VPS13B: variants seen among roughly 807,000 people sequenced by gnomAD.
The protein encoded by VPS13B is vacuolar protein sorting 13 homolog B, also known as intermembrane lipid transfer protein VPS13B.
VPS13B carries 285 observed loss-of-function variants against 426.4 expected under a neutral mutation model. The observed-to-expected ratio is 0.67, with a 90% CI of 0.61 to 0.74. VPS13B has a LOEUF of 0.74. VPS13B is among the 30% of genes least tolerant of loss of function. The pLI is 0.00. For missense variants in VPS13B, 4,537 were observed against 4,782.6 expected (o/e 0.95, Z 1.51); for synonymous variants, 1,676 against 1,676.4 (o/e 1.00, Z 0.01).
chr8:99,810,672 A>G (rs1813651787), intron 44 of VPS13B, among the ~76,000 whole-genome samples: 1 of 152,242 alleles, frequency 6.6e-6, no homozygotes, highest in South Asian at 2.1e-4. Flanking sequence ...AGTGGAACAA[A>G]GTAAAATGGA....
At chr8:99,117,162 A>G (rs1041687790) in intron 7 of VPS13B, among the ~76,000 whole-genome samples, 5 of 152,220 alleles carry the variant, frequency 3.3e-5, no homozygotes, top group Non-Finnish European at 7.3e-5. Context: ...AGGGGCAAAT[A>G]ACCCAATTAA....
intron 32 of VPS13B, 86 bp from the exon 33 acceptor site, chr8:99,577,404 A>G (rs548262649): frequency 1.3e-5 from 20 of 1,578,756 alleles, no homozygotes; most frequent in East Asian, 4.5e-5. Flanking sequence ...TCACCAAAGT[A>G]GTGAAGGTCA....
chr8:99,085,683 A>T (rs1207162631), intron 3 of VPS13B, among the ~76,000 whole-genome samples: 4 of 152,102 alleles, frequency 2.6e-5, no homozygotes, highest in Admixed American at 2.6e-4. Flanking sequence ...TTGTCTGTAA[A>T]GGATTTTATT....
At chr8:99,696,721 T>C (rs1832020575) in intron 35 of VPS13B, 3 of 953,400 alleles carry the variant, frequency 3.1e-6, no homozygotes, top group South Asian at 2.6e-5. Context: ...CTTCTCCGTT[T>C]TCCCAGAAGA....
chr8:99,593,573 A>G (rs1465730562), intron 33 of VPS13B, among the ~76,000 whole-genome samples: 1 of 152,100 alleles, frequency 6.6e-6, no homozygotes, highest in Non-Finnish European at 1.5e-5. Context: ...ACCCAAAGGA[A>G]TATAAATCCT....
intron 17 of VPS13B, among the ~76,000 whole-genome samples, chr8:99,251,747 A>G (rs1817522446): frequency 6.6e-6 from 1 of 151,976 alleles, no homozygotes; most frequent in African/African-American, 2.4e-5. Flanking sequence ...TGTAGAAGAG[A>G]TGTTAATTCT....
rs889348602 is a variant in VPS13B, at chr8:99,481,732, G to T, written c.3800G>T (p.Ser1267Ile). The change falls in exon 25 of 62, where the codon AGC becomes ATC. Residue 1267 changes from serine (S) to isoleucine (I), a missense_variant. Transcript: ENST00000357162. ...CCTGTTCCTACTTCTCCAGTTAGAA[G>T]CAGTATAGGCACAGCTCCTCCAGAT... ...AGPVPTSPVR[S>I]SIGTAPPDTS... is the part of the protein sequence containing the mutation. 6.2e-7 allele frequency: 1 copy of T among 1,613,964 alleles called. No individual in the cohort carries two copies. The highest frequency in any genetic ancestry group is 1.1e-5 in the South Asian group (1 of 91,082).
At chr8:99,149,004 C>T (rs1210339296) in intron 14 of VPS13B, among the ~76,000 whole-genome samples, 1 of 152,218 alleles carries the variant, frequency 6.6e-6, no homozygotes, top group Non-Finnish European at 1.5e-5. Flanking sequence ...CAGCTCCTCA[C>T]AAGACCACAT....
intron 24 of VPS13B, among the ~76,000 whole-genome samples, chr8:99,480,420 G>T (rs1437691283): frequency 6.6e-6 from 1 of 151,928 alleles, no homozygotes; most frequent in Non-Finnish European, 1.5e-5. Context: ...ACCTGTTTTG[G>T]CTTTTTGTTA....
intron 21 of VPS13B, among the ~76,000 whole-genome samples, chr8:99,421,190 T>C (rs1816348420): frequency 1.3e-5 from 2 of 152,302 alleles, no homozygotes; most frequent in South Asian, 2.1e-4. Flanking sequence ...AGGAATCATA[T>C]TGTACCAAGT....
intron 2 of VPS13B, among the ~76,000 whole-genome samples, chr8:99,033,852 T>C (rs10106041): frequency 0.83 from 125,553 of 151,984 alleles, 52,376 homozygotes; most frequent in South Asian, 0.89. Context: ...GCCAAGATCA[T>C]GCCATTGCAC....
chr8:99,364,302 G>A (rs367863166), intron 19 of VPS13B, among the ~76,000 whole-genome samples: 25 of 152,218 alleles, frequency 1.6e-4, no homozygotes, highest in African/African-American at 5.8e-4. Flanking sequence ...TGCATACCCA[G>A]GATAAATCCC....
At chr8:99,450,126 T>G (rs1818116922) in intron 23 of VPS13B, among the ~76,000 whole-genome samples, 1 of 152,096 alleles carries the variant, frequency 6.6e-6, no homozygotes, top group Non-Finnish European at 1.5e-5. Flanking sequence ...TGACAGTCAG[T>G]GATGGTGGCT....
At chr8:99,223,216 A>G (rs1321884526) in intron 17 of VPS13B, among the ~76,000 whole-genome samples, 3 of 152,314 alleles carry the variant, frequency 2.0e-5, no homozygotes, top group South Asian at 2.1e-4. Flanking sequence ...AATATATCCC[A>G]CATATTTATA....
intron 19 of VPS13B, among the ~76,000 whole-genome samples, chr8:99,322,881 C>T (rs557795881): frequency 6.6e-6 from 1 of 152,298 alleles, no homozygotes; most frequent in Non-Finnish European, 1.5e-5. Context: ...ATAATTCTTT[C>T]TGATGTGTGT....
chr8:99,022,587 C>T (rs936811440), intron 2 of VPS13B, among the ~76,000 whole-genome samples: 1 of 152,000 alleles, frequency 6.6e-6, no homozygotes, highest in African/African-American at 2.4e-5. Flanking sequence ...GCACTTGTTG[C>T]TGTAGCATTC....
intron 19 of VPS13B, among the ~76,000 whole-genome samples, chr8:99,382,795 G>A (rs919752403): frequency 1.3e-5 from 2 of 152,070 alleles, no homozygotes; most frequent in African/African-American, 4.8e-5. Context: ...TTCCTATCTG[G>A]ATAGCCTTTA....
chr8:99,164,376 G>A (rs756812155), intron 15 of VPS13B, among the ~76,000 whole-genome samples: 17 of 152,192 alleles, frequency 1.1e-4, no homozygotes, highest in East Asian at 9.7e-4. Flanking sequence ...TCCTGTAAAC[G>A]CCGGGCAGCA....
In VPS13B at chr8:99,442,483, G is replaced by A. The variant is rs755738319; in HGVS notation, c.3293G>A (p.Gly1098Glu). ...ACAATTGTATCTGGTGACATTCCTG[G>A]AACAGTAAGAAGTTGGTACCATGGA... ...PSTIVSGDIP[G>E]TVRSWYHGQT... Residue 1098 changes from glycine to glutamate, a missense_variant, in exon 23 of 62, where the codon GGA (glycine) becomes GAA (glutamate). Physicochemically the swap from Gly to Glu is moderately conservative, Grantham distance 98 (BLOSUM62 -2). Coordinates refer to ENST00000357162, the MANE Select transcript of VPS13B (RefSeq NM_152564.5). The A allele has an allele frequency of 1.2e-6, 2 of 1,613,852 alleles. No individual in the cohort carries two copies. Among genetic ancestry groups the A allele is most frequent in the Admixed American group, 3.3e-5 (2 of 59,994 alleles).
Sources: allele counts gnomAD v4.1 joint callset (sites outside exome capture counted in the v4.1 genomes callset), GRCh38; gene constraint gnomAD v4.1.1; transcripts MANE v1.5; gene names NCBI Gene and HGNC (gene_info 2026-07-23, HGNC 2026-07-21).